MCC: variants seen among roughly 807,000 people sequenced by gnomAD.
MCC encodes the protein MCC regulator of Wnt signaling pathway.
MCC carries 90 observed loss-of-function variants against 116.2 expected under a neutral mutation model. The ratio of observed to expected loss-of-function variants is 0.77; its 90% CI spans 0.65 to 0.92. The LOEUF is 0.92. Ranked by LOEUF, MCC falls within the 40% of genes least tolerant of loss-of-function variation. The probability of loss-of-function intolerance (pLI) is 0.00; values close to 1 mark genes in which losing one functional copy is unlikely to be tolerated. For missense variants in MCC, 1,516 were observed against 1,312.2 expected, an observed-to-expected ratio of 1.16 and a Z score of -2.40; for synonymous variants, 578 against 510.5, an observed-to-expected ratio of 1.13 and a Z score of -1.78.
intron 1 of MCC, among the ~76,000 whole-genome samples, chr5:113,411,255 C>T (rs1769983825): frequency 1.3e-5 from 2 of 152,166 alleles, no homozygotes; most frequent in Admixed American, 6.5e-5. Flanking sequence ...TCTCCATATC[C>T]TCTCCAGCAT....
At chr5:113,105,100 TTAAAGTCAAA>T (rs1359166145) in intron 6 of MCC, among the ~76,000 whole-genome samples, 1 of 152,234 alleles carries the variant, frequency 6.6e-6, no homozygotes, top group African/African-American at 2.4e-5. Context: ...AAAACTCCCC[TTAAAGTCAAA>T]TACAAATTTT....
rs187657311 is a variant in MCC, at chr5:113,062,658, G to A, written c.2213+1326C>T. Reference sequence around the variant, plus strand: ...AGCATCTGCTTTCTGTGTTTACACAGTAGAATATGGTTTTATGAAAAAAAT... The same window carrying A: ...AGCATCTGCTTTCTGTGTTTACACAATAGAATATGGTTTTATGAAAAAAAT... On this transcript the variant is annotated intron_variant, in intron 14 of 18. Transcript: ENST00000408903. 1.7e-3 allele frequency among the ~76,000 whole-genome samples: 262 copies of A among 152,340 alleles called. 1 individual carries two copies. The highest frequency in any genetic ancestry group is 6.0e-3 in the African/African-American group (249 of 41,546).
At chr5:113,042,128 A>G (rs566960480) in intron 17 of MCC, among the ~76,000 whole-genome samples, 2 of 152,270 alleles carry the variant, frequency 1.3e-5, no homozygotes, top group African/African-American at 4.8e-5. Context: ...TCAACTATGA[A>G]AAGAATTACA....
In MCC at chr5:113,069,698, C is replaced by T. The variant is rs530810058; in HGVS notation, c.1925+1396G>A. Among the ~76,000 whole-genome samples, 9 of 152,334 alleles carry T rather than the reference C, an allele frequency of 5.9e-5. No individual in the cohort carries two copies. In the East Asian group the frequency reaches 1.7e-3, roughly 29 times the overall value. ...ATTATCCTGCCTCAGCCTCCCGCCT[C>T]AGCCTCCTGAGTAGCTGGGACTACA... On this transcript the variant is annotated intron_variant, in intron 12 of 18. Transcript: ENST00000408903.
intron 3 of MCC, among the ~76,000 whole-genome samples, chr5:113,191,910 G>C (rs547253771): frequency 6.6e-6 from 1 of 152,268 alleles, no homozygotes; most frequent in East Asian, 1.9e-4. Flanking sequence ...AAATTCTCAA[G>C]AATGTCTGCA....
intron 3 of MCC, among the ~76,000 whole-genome samples, chr5:113,155,957 G>C (rs1760147961): frequency 6.6e-6 from 1 of 152,222 alleles, no homozygotes; most frequent in Non-Finnish European, 1.5e-5. Context: ...CTGTGTGAGA[G>C]GTATGGGAAA....
At chr5:113,471,467 C>T (rs183055812) in intron 1 of MCC, among the ~76,000 whole-genome samples, 4,995 of 152,162 alleles carry the variant, frequency 0.033, 117 homozygotes, top group Non-Finnish European at 0.047. Flanking sequence ...GTATCGGCAG[C>T]GGTGGCTGCA....
At chr5:113,289,551 C>G (rs1367093477) in intron 3 of MCC, among the ~76,000 whole-genome samples, 2 of 152,038 alleles carry the variant, frequency 1.3e-5, no homozygotes, top group African/African-American at 4.8e-5. Context: ...GCCCGTTTCA[C>G]TTCCATATTT....
At chr5:113,252,566 G>A (rs948103536) in intron 3 of MCC, among the ~76,000 whole-genome samples, 1 of 152,032 alleles carries the variant, frequency 6.6e-6, no homozygotes, top group Admixed American at 6.5e-5. Context: ...CTGTATTACA[G>A]TGAGTTGTGT....
intron 1 of MCC, among the ~76,000 whole-genome samples, chr5:113,456,027 G>GT (rs1225758532): frequency 6.6e-6 from 1 of 152,148 alleles, no homozygotes; most frequent in Non-Finnish European, 1.5e-5. Context: ...GTTAAATTAT[G>GT]TAATATTTGA....
At chr5:113,138,131 C>T (rs1330069373) in intron 5 of MCC, among the ~76,000 whole-genome samples, 2 of 152,016 alleles carry the variant, frequency 1.3e-5, no homozygotes, top group African/African-American at 4.8e-5. Context: ...ATTCTCCTGC[C>T]TCAGCCTCCC....
chr5:113,048,135 G>C (rs1473004739), intron 16 of MCC, among the ~76,000 whole-genome samples: 1 of 152,196 alleles, frequency 6.6e-6, no homozygotes, highest in African/African-American at 2.4e-5. Context: ...TCATGTAAAT[G>C]GGGATAACTA....
chr5:113,077,327 C>T (rs184635947), intron 11 of MCC, among the ~76,000 whole-genome samples: 2 of 152,302 alleles, frequency 1.3e-5, no homozygotes, highest in African/African-American at 2.4e-5. Context: ...CTACAGAACT[C>T]TCCACCCCAA....
intron 3 of MCC, among the ~76,000 whole-genome samples, chr5:113,247,858 C>T (rs978555832): frequency 2.6e-5 from 4 of 152,014 alleles, no homozygotes; most frequent in African/African-American, 9.7e-5. Context: ...TGTATGGTCA[C>T]CTATGAAGAT....
chr5:113,071,005 T>C (rs6888031), intron 12 of MCC, 89 bp downstream of exon 12: 230,984 of 1,470,644 alleles, frequency 0.16, 19,092 homozygotes, highest in East Asian at 0.25. Flanking sequence ...ATATGCCTTC[T>C]AAAAGCCTAT....
intron 3 of MCC, among the ~76,000 whole-genome samples, chr5:113,331,886 C>T (rs2150375046): frequency 6.6e-6 from 1 of 151,732 alleles, no homozygotes; most frequent in Admixed American, 6.6e-5. Context: ...GATCCGCCCA[C>T]CTCGGCCTCC....
intron 3 of MCC, among the ~76,000 whole-genome samples, chr5:113,331,614 GTTTGT>G (rs138484557): frequency 0.44 from 65,917 of 149,240 alleles, 16,342 homozygotes; most frequent in East Asian, 0.79. Context: ...CTGCTTTTTT[GTTTGT>G]TTTGTTTTGT....
At position 113,104,215 on chromosome 5, in the gene MCC, C is replaced by T. The variant is rs141668146; in HGVS notation, c.1168G>A (p.Glu390Lys). Residue 390 changes from glutamate (E) to lysine (K), a missense_variant, in exon 7 of 19, where the codon GAG (glutamate) becomes AAG (lysine). Transcript: ENST00000408903. ...KHIEQLTTAS[E>K]HCDLAIKTVE... Reference sequence around the variant, plus strand: ...ACCTTAATAGCCAGGTCACAGTGCTCGCTGGCTGTGGTGAGCTGCTCAATG... The same window carrying T: ...ACCTTAATAGCCAGGTCACAGTGCTTGCTGGCTGTGGTGAGCTGCTCAATG... The T allele has an allele frequency of 1.6e-5, 26 of 1,613,192 alleles. 1 individual carries two copies. Among genetic ancestry groups the T allele is most frequent in the African/African-American group, 4.0e-5 (3 of 74,898 alleles).
intron 3 of MCC, among the ~76,000 whole-genome samples, chr5:113,186,879 A>C (rs949396369): frequency 6.6e-5 from 10 of 152,142 alleles, no homozygotes; most frequent in Non-Finnish European, 1.3e-4. Context: ...TGGTTTTCAC[A>C]ACCGGGGGAG....
Sources: gnomAD v4.1 joint callset for allele counts (sites outside exome capture counted in the v4.1 genomes callset) on GRCh38, gnomAD v4.1.1 for gene constraint, MANE v1.5 for transcripts, NCBI Gene and HGNC (gene_info 2026-07-23, HGNC 2026-07-21) for gene names.